The following CRAMP1 variants were observed in gnomAD, a reference collection of about 807,000 sequenced individuals.
The protein encoded by CRAMP1 is cramped chromatin regulator 1.
In CRAMP1, 50 loss-of-function variants were observed where a neutral mutation model predicts 115.4. The observed-to-expected ratio is 0.43, with a 90% CI of 0.35 to 0.55. CRAMP1 has a LOEUF of 0.55. CRAMP1 is among the 20% of genes least tolerant of loss of function. The pLI is 0.01. For synonymous variants in CRAMP1, 866 were observed against 745.4 expected, an observed-to-expected ratio of 1.16 and a Z score of -2.64; for missense variants, 1,679 against 1,721.7, an observed-to-expected ratio of 0.98 and a Z score of 0.44.
At chr16:1,643,425 C>T (rs2036648686) in intron 6 of CRAMP1, among the ~76,000 whole-genome samples, 1 of 152,146 alleles carries the variant, frequency 6.6e-6, no homozygotes, top group Non-Finnish European at 1.5e-5. Context: ...CCTGTAATCC[C>T]AGCTACTTGG....
Position 1,660,019 on chromosome 16 carries a change from G to T in CRAMP1, c.2369G>T (p.Arg790Leu), listed in dbSNP as rs773417565. The T allele has an allele frequency of 6.2e-7, 1 of 1,601,010 alleles. No individual in the cohort carries two copies. The highest frequency in any genetic ancestry group is 8.5e-7 in the Non-Finnish European group (1 of 1,179,128). The change falls in exon 11 of 21, where the codon CGC becomes CTC. Residue 790 changes from arginine to leucine, a missense_variant. By Grantham distance (102) the Arg-to-Leu change is moderately radical. Transcript: ENST00000397412. ...TGCCCTCGGAACCAGGCCTCCCTCC[G>T]CAGCAGCAAGACCTTCCCGCCCAGC... ...PRCPRNQASLRSSKTFPPSSA... is the reference protein window; with the variant it reads ...PRCPRNQASLLSSKTFPPSSA...
At position 1,666,541 on chromosome 16, in the gene CRAMP1, A is replaced by C. The variant is rs775501492; in HGVS notation, c.2977A>C (p.Ile993Leu). ...PLSSDEVTGA[I>L]SGQDSTGTHQ... ...GTCTTCAGACGAGGTGACGGGTGCC[A>C]TCTCGGGGCAGGACTCTACTGGAAC... Residue 993 changes from isoleucine to leucine, a missense_variant, in exon 16 of 21, where the codon ATC (isoleucine) becomes CTC (leucine). Physicochemically the swap from Ile to Leu is conservative, Grantham distance 5 (BLOSUM62 2). Coordinates refer to ENST00000397412, the MANE Select transcript of CRAMP1 (RefSeq NM_020825.4). This position sits in a 1 kb window ranked among gnomAD's most constrained non-coding sequence, Gnocchi z 5.0. The C allele has an allele frequency of 1.1e-5, 17 of 1,613,748 alleles. No homozygotes were observed. Among genetic ancestry groups the C allele is most frequent in the Non-Finnish European group, 1.4e-5 (16 of 1,179,864 alleles).
rs971588321 is a variant in CRAMP1, at chr16:1,672,077, C to T, written c.3645+1268C>T. 6.6e-5 allele frequency among the ~76,000 whole-genome samples: 10 copies of T among 152,158 alleles called. No homozygotes were observed. The highest frequency in any genetic ancestry group is 2.4e-4 in the African/African-American group (10 of 41,444). On this transcript the variant is annotated intron_variant, in intron 20 of 20. Coordinates refer to ENST00000397412, the MANE Select transcript of CRAMP1 (RefSeq NM_020825.4). This position sits in a 1 kb window ranked among gnomAD's most constrained non-coding sequence, Gnocchi z 4.9. ...CTGGGCTCTGTGGAGATGGGCGCTG[C>T]GTACGTGCCCTGAGGCAGCATGCTC...
At chr16:1,618,387 A>G (rs943733678) in intron 2 of CRAMP1, among the ~76,000 whole-genome samples, 1 of 152,222 alleles carries the variant, frequency 6.6e-6, no homozygotes, top group Non-Finnish European at 1.5e-5. Context: ...CTTCAAGATT[A>G]CAGGACTGCA....
At position 1,669,060 on chromosome 16, in the gene CRAMP1, C is replaced by T; in HGVS notation, c.3394C>T (p.Pro1132Ser). 1 of 1,612,618 alleles carries T rather than the reference C, an allele frequency of 6.2e-7. No homozygotes were observed. Among genetic ancestry groups the T allele is most frequent in the Non-Finnish European group, 8.5e-7 (1 of 1,179,370 alleles). The change falls in exon 19 of 21, where the codon CCC becomes TCC. Residue 1132 changes from proline to serine, a missense_variant. Physicochemically the swap from Pro to Ser is moderately conservative, Grantham distance 74. Transcript: ENST00000397412. This position sits in a 1 kb window ranked among gnomAD's most constrained non-coding sequence, Gnocchi z 4.6. ...LNGSDSSKSL[P>S]SPSSSPQPHW... ...TGGCAGTGACAGTTCCAAGAGCCTT[C>T]CCTCCCCGTCCAGCAGCCCCCAGCC...
At position 1,667,400 on chromosome 16, in the gene CRAMP1, G is replaced by C. The variant is rs368039138; in HGVS notation, c.3102G>C (p.Gln1034His). 2 of 1,611,666 alleles carry C rather than the reference G, an allele frequency of 1.2e-6. No individual in the cohort carries two copies. Among genetic ancestry groups the C allele is most frequent in the African/African-American group, 2.7e-5 (2 of 74,888 alleles). ...PEQEPVADSFQGSSVLSLSEL... is the reference protein window; with the variant it reads ...PEQEPVADSFHGSSVLSLSEL... Reference sequence around the variant, plus strand: ...AGGAGCCAGTGGCAGACAGTTTCCAGGTAGAGTGTGCTCTTGGGCTGCTGA... The same window carrying C: ...AGGAGCCAGTGGCAGACAGTTTCCACGTAGAGTGTGCTCTTGGGCTGCTGA... The change falls in exon 17 of 21, where the codon CAG becomes CAC. Residue 1034 changes from glutamine to histidine, a missense_variant and splice_region_variant. Gln to His is a conservative substitution (Grantham distance 24). Coordinates refer to ENST00000397412, the MANE Select transcript of CRAMP1 (RefSeq NM_020825.4).
intron 11 of CRAMP1, among the ~76,000 whole-genome samples, chr16:1,662,010 T>TA (rs1483270122): frequency 1.3e-5 from 2 of 152,354 alleles, no homozygotes; most frequent in African/African-American, 4.8e-5. Flanking sequence ...TGTTTATAAA[T>TA]AAAGTTTTAT....
intron 2 of CRAMP1, among the ~76,000 whole-genome samples, chr16:1,622,199 G>C (rs1401617371): frequency 6.6e-6 from 1 of 152,232 alleles, no homozygotes; most frequent in Non-Finnish European, 1.5e-5. Flanking sequence ...TCTGAAGTTT[G>C]TGATTGTTTT....
chr16:1,670,715 G>T lies in CRAMP1; in HGVS notation c.3551G>T (p.Gly1184Val). 6.2e-7 allele frequency: 1 copy of T among 1,613,958 alleles called. No homozygotes were observed. Among genetic ancestry groups the T allele is most frequent in the Non-Finnish European group, 8.5e-7 (1 of 1,179,868 alleles). ...CGGAAGATGTTGCCGACTCCCATTG[G>T]GACCAACAGTGGCACTTCCTTGCTT... ...KSRKMLPTPI[G>V]TNSGTSLLGP... The change falls in exon 20 of 21, where the codon GGG becomes GTG. Residue 1184 changes from glycine to valine, a missense_variant. Gly to Val is a moderately radical substitution (Grantham distance 109). Around this residue, in one of 8 missense-constraint regions of CRAMP1, gnomAD observed 709 missense variants for 741.9 expected, o/e 0.96. Transcript: ENST00000397412.
At chr16:1,629,340 CT>C (rs2036530699) in intron 3 of CRAMP1, among the ~76,000 whole-genome samples, 1 of 152,230 alleles carries the variant, frequency 6.6e-6, no homozygotes. Context: ...TCTGTGGACG[CT>C]GCAGGTTTCT....
chr16:1,648,265 G>C (rs190184570), intron 6 of CRAMP1, among the ~76,000 whole-genome samples: 378 of 152,328 alleles, frequency 2.5e-3, no homozygotes, highest in Non-Finnish European at 4.7e-3. Flanking sequence ...AAAATGGTGA[G>C]TGGAAACGTC....
chr16:1,632,521 T>G (rs927378074), intron 4 of CRAMP1, among the ~76,000 whole-genome samples, 156 bp downstream of exon 4: 8 of 152,236 alleles, frequency 5.3e-5, no homozygotes, highest in African/African-American at 1.9e-4. Flanking sequence ...TTTGGCTGAT[T>G]GTGTGCTGTC....
chr16:1,637,954 G>C, intron 5 of CRAMP1, 47 bp downstream of exon 5: 1 of 991,574 alleles, frequency 1.0e-6, no homozygotes, highest in Non-Finnish European at 1.4e-6. Flanking sequence ...CCTGTCCTTT[G>C]TCACCTTTGG....
rs1317817380 is a variant in CRAMP1, at chr16:1,669,858, C to T, written c.3499+693C>T. On this transcript the variant is annotated intron_variant, in intron 19 of 20. Coordinates refer to ENST00000397412, the MANE Select transcript of CRAMP1 (RefSeq NM_020825.4). The surrounding 1 kb of genome is among the most constrained non-coding windows in gnomAD (Gnocchi z 4.6). ...GGGTACCATGCCTGACAGCTCTGAA[C>T]CAGTTGGGCGACCTGGGTCTGGGAG... Among the ~76,000 whole-genome samples the T allele has an allele frequency of 1.3e-5, 2 of 152,158 alleles. No individual in the cohort carries two copies. The highest frequency in any genetic ancestry group is 2.9e-5 in the Non-Finnish European group (2 of 68,040).
intron 11 of CRAMP1, among the ~76,000 whole-genome samples, chr16:1,660,464 G>A (rs1283657540): frequency 6.6e-6 from 1 of 152,162 alleles, no homozygotes; most frequent in Non-Finnish European, 1.5e-5. Context: ...AGTTAGGGGA[G>A]GTGCCAGTAG....
chr16:1,666,164 G>A lies in CRAMP1; in HGVS notation c.2844G>A (p.Thr948=), dbSNP rs753839016. 6.9e-6 allele frequency: 11 copies of A among 1,604,870 alleles called. No homozygotes were observed. The highest frequency in any genetic ancestry group is 2.7e-5 in the African/African-American group (2 of 74,750). Residue 948 remains threonine, a synonymous_variant, in exon 15 of 21, where the codon ACG becomes ACA. Coordinates refer to ENST00000397412, the MANE Select transcript of CRAMP1 (RefSeq NM_020825.4). This position sits in a 1 kb window ranked among gnomAD's most constrained non-coding sequence, Gnocchi z 5.0. The stretch of plus-strand genomic sequence containing the variant: ...CCAAGGTCCTTCCACCCCAGGCCAC[G>A]AGTCACCTGGCCAGTAAGTCTGTAC... ...IVPKVLPPQA[T]SHLASAIDLA...
chr16:1,619,738 T>C (rs897811831), intron 2 of CRAMP1, among the ~76,000 whole-genome samples: 1 of 152,194 alleles, frequency 6.6e-6, no homozygotes. Context: ...AGGAGGACGC[T>C]GAGCCTTGCA....
In CRAMP1 at chr16:1,656,178, G is replaced by A; in HGVS notation, c.1421G>A (p.Gly474Glu). 6.2e-7 allele frequency: 1 copy of A among 1,603,286 alleles called. No individual in the cohort carries two copies. Among genetic ancestry groups the A allele is most frequent in the Non-Finnish European group, 8.5e-7 (1 of 1,175,490 alleles). The stretch of plus-strand genomic sequence containing the variant: ...AGCGGAGCTGAGGGCAAGGGTGTGG[G>A]GCGGCCCCCTCCTGCGGCTGACGCC... The part of the protein sequence containing the change: ...PRSGAEGKGV[G>E]RPPPAADALQ... Residue 474 changes from glycine to glutamate, a missense_variant, in exon 10 of 21, where the codon GGG (glycine) becomes GAG (glutamate). Physicochemically the swap from Gly to Glu is moderately conservative, Grantham distance 98. This residue lies in a region of CRAMP1 where 405 missense variants were observed against 302.6 expected (regional missense o/e 1.34). Transcript: ENST00000397412. The surrounding 1 kb of genome is among the most constrained non-coding windows in gnomAD (Gnocchi z 5.6).
chr16:1,641,083 G>A (rs2036628013), intron 5 of CRAMP1, 56 bp from the exon 6 acceptor site: 2 of 1,220,980 alleles, frequency 1.6e-6, no homozygotes, highest in Non-Finnish European at 2.4e-6. Context: ...GGAATCTTCA[G>A]TGGCTTTGCT....
Sources: gnomAD v4.1 joint callset for allele counts (sites outside exome capture counted in the v4.1 genomes callset) on GRCh38, gnomAD v4.1.1 for gene constraint, gnomAD v4.1.1 regional missense constraint, Gnocchi (gnomAD v3.1) non-coding constraint, MANE v1.5 for transcripts, NCBI Gene and HGNC (gene_info 2026-07-23, HGNC 2026-07-21) for gene names.